ASTN1: variants seen among roughly 807,000 people sequenced by gnomAD.
ASTN1 encodes astrotactin-1.
In ASTN1, 41 loss-of-function variants were observed where a neutral mutation model predicts 140.7. The ratio of observed to expected loss-of-function variants is 0.29; its 90% confidence interval spans 0.23 to 0.38. ASTN1 has a LOEUF of 0.38. Among genes scored for constraint, ASTN1 ranks in the 10% least tolerant of loss-of-function variants. The probability of loss-of-function intolerance (pLI) is 1.00; values close to 1 mark genes in which losing one functional copy is unlikely to be tolerated. For missense variants in ASTN1, 1,479 were observed against 1,678.8 expected, an observed-to-expected ratio of 0.88 and a Z score of 2.08; for synonymous variants, 640 against 652.2, an observed-to-expected ratio of 0.98 and a Z score of 0.29.
intron 1 of ASTN1, among the ~76,000 whole-genome samples, chr1:177,078,359 G>A (rs80070803): frequency 0.051 from 7,694 of 152,128 alleles, 254 homozygotes; most frequent in South Asian, 0.13. Context: ...AGCAACTTGG[G>A]CAAGTCACTG....
chr1:176,964,574 G>A (rs185571593), intron 9 of ASTN1, among the ~76,000 whole-genome samples: 72 of 152,194 alleles, frequency 4.7e-4, no homozygotes, highest in Admixed American at 4.1e-3. Flanking sequence ...TTTCTAATAC[G>A]TGCTATTCCC....
chr1:176,997,070 A>T (rs963065650), intron 8 of ASTN1, among the ~76,000 whole-genome samples: 1 of 152,188 alleles, frequency 6.6e-6, no homozygotes, highest in Non-Finnish European at 1.5e-5. Context: ...CCTGAAAACC[A>T]ATTCCCTGAC....
chr1:176,911,018 A>C (rs1007019909), intron 16 of ASTN1, among the ~76,000 whole-genome samples: 2 of 152,230 alleles, frequency 1.3e-5, no homozygotes, highest in Non-Finnish European at 2.9e-5. Flanking sequence ...GGTGCCAAAA[A>C]GGTGGGGGAT....
At chr1:176,899,984 CT>C (rs1423305572) in intron 16 of ASTN1, among the ~76,000 whole-genome samples, 1 of 152,158 alleles carries the variant, frequency 6.6e-6, no homozygotes, top group Admixed American at 6.5e-5. Context: ...GGAACTATGT[CT>C]TTTTTACCTT....
chr1:177,138,536 A>G (rs1487842561), intron 1 of ASTN1, among the ~76,000 whole-genome samples: 1 of 152,136 alleles, frequency 6.6e-6, no homozygotes, highest in Non-Finnish European at 1.5e-5. Context: ...TATATTTAGA[A>G]CACTTGGTCA....
chr1:177,095,464 A>G (rs1679984979), intron 1 of ASTN1, among the ~76,000 whole-genome samples: 1 of 152,114 alleles, frequency 6.6e-6, no homozygotes, highest in Non-Finnish European at 1.5e-5. Context: ...GGGAAGAACA[A>G]TTTCAAGGCT....
At chr1:176,911,223 G>C (rs1461318897) in intron 16 of ASTN1, among the ~76,000 whole-genome samples, 1 of 152,168 alleles carries the variant, frequency 6.6e-6, no homozygotes, top group Non-Finnish European at 1.5e-5. Flanking sequence ...TTCCAGGACT[G>C]GAAGCTGCCC....
intron 8 of ASTN1, among the ~76,000 whole-genome samples, chr1:176,972,961 C>A (rs564403411): frequency 6.6e-6 from 1 of 152,222 alleles, no homozygotes; most frequent in South Asian, 2.1e-4. Context: ...CATACCTATA[C>A]TGCTCTGCCC....
At chr1:176,887,023 G>C (rs1669056267) in intron 18 of ASTN1, among the ~76,000 whole-genome samples, 1 of 152,140 alleles carries the variant, frequency 6.6e-6, no homozygotes, top group Non-Finnish European at 1.5e-5. Context: ...TGAGGGGAAG[G>C]AAATTGGGCA....
chr1:177,139,541 C>T (rs1433869243), intron 1 of ASTN1, among the ~76,000 whole-genome samples: 1 of 152,174 alleles, frequency 6.6e-6, no homozygotes, highest in Non-Finnish European at 1.5e-5. Flanking sequence ...TGAAGGCAGC[C>T]TTGTTAGAGC....
chr1:177,004,273 A>T lies in ASTN1; in HGVS notation c.1523+10518T>A, dbSNP rs376464556. ...AAATACTTAACCAAGGAGGTGAAAG[A>T]TCTCTACAGGGAGAACTCTACAAAA... On this transcript the variant is annotated intron_variant, in intron 8 of 22. Coordinates refer to ENST00000361833, the MANE Select transcript of ASTN1 (RefSeq NM_004319.3). Among the ~76,000 whole-genome samples the T allele has an allele frequency of 8.5e-5, 13 of 152,256 alleles. No individual in the cohort carries two copies. The East Asian group carries it at 1.7e-3, about 20-fold the overall frequency.
chr1:176,997,820 T>C (rs888820543), intron 8 of ASTN1, among the ~76,000 whole-genome samples: 5 of 151,936 alleles, frequency 3.3e-5, no homozygotes, highest in East Asian at 1.9e-4. Context: ...GGGCTTCCAA[T>C]TGGGGAGTTA....
At chr1:177,129,109 A>C (rs1273972949) in intron 1 of ASTN1, among the ~76,000 whole-genome samples, 1 of 151,978 alleles carries the variant, frequency 6.6e-6, no homozygotes, top group Non-Finnish European at 1.5e-5. Context: ...AAACCAGACC[A>C]CATTTCACCA....
At chr1:176,890,250 G>A (rs1353847982) in intron 17 of ASTN1, among the ~76,000 whole-genome samples, 1 of 152,230 alleles carries the variant, frequency 6.6e-6, no homozygotes, top group Non-Finnish European at 1.5e-5. Flanking sequence ...GCATATGGTG[G>A]CAAGAGAGAC....
chr1:176,951,296 C>A (rs1413134992), intron 11 of ASTN1, among the ~76,000 whole-genome samples: 1 of 152,248 alleles, frequency 6.6e-6, no homozygotes, highest in Non-Finnish European at 1.5e-5. Flanking sequence ...CCTTGGCCAC[C>A]CAGCTGTTAG....
At chr1:177,027,380 C>T (rs965847695) in intron 5 of ASTN1, among the ~76,000 whole-genome samples, 1 of 151,936 alleles carries the variant, frequency 6.6e-6, no homozygotes, top group African/African-American at 2.4e-5. Context: ...TACGGATATT[C>T]CTGACTCTAT....
chr1:177,149,135 CATAT>C (rs1215933959), intron 1 of ASTN1, among the ~76,000 whole-genome samples: 1 of 89,098 alleles, frequency 1.1e-5, no homozygotes, highest in African/African-American at 8.6e-5. Flanking sequence ...ATATATAGTG[CATAT>C]ATATAGTGCA....
At chr1:177,027,069 C>T (rs987701394) in intron 5 of ASTN1, among the ~76,000 whole-genome samples, 1 of 152,302 alleles carries the variant, frequency 6.6e-6, no homozygotes, top group South Asian at 2.1e-4. Context: ...TTTTACTGCT[C>T]CCTGACAAGA....
intron 22 of ASTN1, among the ~76,000 whole-genome samples, chr1:176,864,736 G>A (rs1221016008): frequency 6.6e-6 from 1 of 152,150 alleles, no homozygotes; most frequent in African/African-American, 2.4e-5. Context: ...TTGGATAAAT[G>A]TTCAAAGTGA....
Sources: allele counts gnomAD v4.1 joint callset (sites outside exome capture counted in the v4.1 genomes callset), GRCh38; gene constraint gnomAD v4.1.1; transcripts MANE v1.5; gene names NCBI Gene and HGNC (gene_info 2026-07-23, HGNC 2026-07-21).